The following MRPL43 variants were observed in gnomAD, a reference collection of about 807,000 sequenced individuals.
The protein encoded by MRPL43 is large ribosomal subunit protein mL43.
In MRPL43, 9 loss-of-function variants were observed where a neutral mutation model predicts 12.7. The ratio of observed to expected loss-of-function variants is 0.71; its 90% CI spans 0.43 to 1.24. The LOEUF is 1.24. MRPL43 is among the 50% of genes most tolerant of loss of function. The probability of loss-of-function intolerance (pLI) is 0.00; values close to 1 mark genes in which losing one functional copy is unlikely to be tolerated. For synonymous variants in MRPL43, 116 were observed against 96.4 expected, an observed-to-expected ratio of 1.20 and a Z score of -1.19; for missense variants, 211 against 229.2, an observed-to-expected ratio of 0.92 and a Z score of 0.51.
At chr10:100,984,581 C>G, downstream of MRPL43, 1 of 1,536,202 alleles carries the variant, frequency 6.5e-7, no homozygotes, top group Non-Finnish European at 8.7e-7. Context: ...AAGACCTCTG[C>G]CAGCCACCTA....
downstream of MRPL43, chr10:100,978,677 G>T (rs774043717): frequency 6.3e-7 from 1 of 1,591,776 alleles, no homozygotes; most frequent in African/African-American, 1.3e-5. Flanking sequence ...GGGGGGTAGG[G>T]GACTATTTCT....
chr10:100,979,194 G>A (rs1372311283), downstream of MRPL43: 8 of 1,614,090 alleles, frequency 5.0e-6, no homozygotes, highest in East Asian at 1.3e-4. Flanking sequence ...ATGAGACACT[G>A]CGTGGGGTCT....
downstream of MRPL43, among the ~76,000 whole-genome samples, chr10:100,979,530 G>T (rs1850956597): frequency 6.6e-6 from 1 of 152,066 alleles, no homozygotes; most frequent in South Asian, 2.1e-4. Flanking sequence ...CTATAGGCGT[G>T]TGCCACCACG....
chr10:100,978,559 T>C, downstream of MRPL43: 1 of 1,614,142 alleles, frequency 6.2e-7, no homozygotes, highest in South Asian at 1.1e-5. Context: ...TAGGTATGAA[T>C]TCCGGAGCAT....
At chr10:100,979,853 C>T (rs142303289), downstream of MRPL43, 2 of 1,613,558 alleles carry the variant, frequency 1.2e-6, no homozygotes, top group Non-Finnish European at 8.5e-7. Context: ...TCTAGGAAGA[C>T]CCTGGAGGCC....
chr10:100,986,663 C>T lies in MRPL43; in HGVS notation c.*71G>A. ...GTTCCATTTGCCTGGGCTTGGAATCCCAAAGGGGAAGAACCACCTTTACCG... is the reference window on the plus strand; with the variant it reads ...GTTCCATTTGCCTGGGCTTGGAATCTCAAAGGGGAAGAACCACCTTTACCG... On this transcript the variant is annotated 3_prime_UTR_variant, in exon 3 of 3. Coordinates refer to ENST00000318364, the MANE Select transcript of MRPL43 (RefSeq NM_032112.3). The T allele has an allele frequency of 1.2e-6, 2 of 1,613,840 alleles. No homozygotes were observed. Among genetic ancestry groups the T allele is most frequent in the Non-Finnish European group, 1.7e-6 (2 of 1,179,910 alleles).
downstream of MRPL43, chr10:100,984,005 G>A: frequency 6.2e-7 from 1 of 1,612,686 alleles, no homozygotes; most frequent in Non-Finnish European, 8.5e-7. Flanking sequence ...ATAGCTATGT[G>A]CTTCTGAGGC....
downstream of MRPL43, chr10:100,980,621 G>A (rs147919269): frequency 4.5e-5 from 73 of 1,614,076 alleles, no homozygotes; most frequent in African/African-American, 8.8e-4. Context: ...GCTCTGGGAT[G>A]CACATTATTG....
At chr10:100,984,209 C>T, downstream of MRPL43, 3 of 1,514,448 alleles carry the variant, frequency 2.0e-6, no homozygotes, top group Non-Finnish European at 2.6e-6. Context: ...CTAACACAGC[C>T]ACCCTCCCTT....
At position 100,986,610 on chromosome 10, in the gene MRPL43, G is replaced by A; in HGVS notation, c.*124C>T. ...AGGCAGCTCTTCATTATCCCAAGCAGAACCTCTGTCAACTTGCCCATTGAT... is the reference window on the plus strand; with the variant it reads ...AGGCAGCTCTTCATTATCCCAAGCAAAACCTCTGTCAACTTGCCCATTGAT... On this transcript the variant is annotated 3_prime_UTR_variant, in exon 3 of 3. Coordinates refer to ENST00000318364, the MANE Select transcript of MRPL43 (RefSeq NM_032112.3). 1 of 1,612,358 alleles carries A rather than the reference G, an allele frequency of 6.2e-7. No individual in the cohort carries two copies. Among genetic ancestry groups the A allele is most frequent in the Non-Finnish European group, 8.5e-7 (1 of 1,179,588 alleles).
chr10:100,980,389 A>C (rs1252783220), downstream of MRPL43: 2 of 1,548,226 alleles, frequency 1.3e-6, no homozygotes, highest in East Asian at 4.5e-5. Context: ...CCTGATCACT[A>C]ATGCTTCTGA....
At chr10:100,987,053 T>A (rs1366823873) in intron 2 of MRPL43, 37 bp downstream of exon 2, 1 of 1,610,188 alleles carries the variant, frequency 6.2e-7, no homozygotes, top group Middle Eastern at 1.7e-4. Context: ...GTCGAGCCCC[T>A]GATCCCGCCC....
At chr10:100,982,590 G>A (rs1329322742), downstream of MRPL43, among the ~76,000 whole-genome samples, 6 of 152,162 alleles carry the variant, frequency 3.9e-5, no homozygotes, top group East Asian at 9.6e-4. Context: ...TCAGGAGTTC[G>A]AGACAAGCCT....
downstream of MRPL43, chr10:100,985,907 T>C (rs1275325000): frequency 6.6e-6 from 1 of 152,402 alleles, no homozygotes. Context: ...TTCCTGCCTC[T>C]CATTTCCCCA....
downstream of MRPL43, chr10:100,984,883 C>CA (rs1851356699): frequency 2.0e-6 from 3 of 1,475,798 alleles, no homozygotes; most frequent in East Asian, 5.0e-5. Flanking sequence ...TGGTCATTCT[C>CA]AAGAGTATGA....
chr10:100,982,487 CAGTT>C (rs1387919835), downstream of MRPL43, among the ~76,000 whole-genome samples: 22 of 152,286 alleles, frequency 1.4e-4, no homozygotes, highest in African/African-American at 4.8e-4. Flanking sequence ...ATCTTAGTGA[CAGTT>C]AGATACAAAC....
At chr10:100,984,032 A>G (rs1851288279), downstream of MRPL43, 6 of 1,613,652 alleles carry the variant, frequency 3.7e-6, no homozygotes, top group Non-Finnish European at 5.1e-6. Context: ...ACAATGGAGT[A>G]CCAGCAGGGC....
At chr10:100,984,813 C>A, downstream of MRPL43, 1 of 1,532,198 alleles carries the variant, frequency 6.5e-7, no homozygotes, top group Non-Finnish European at 8.7e-7. Flanking sequence ...GGTAAGACTG[C>A]ATCACTCCCC....
chr10:100,986,763 G>C lies in MRPL43; in HGVS notation c.451C>G (p.Pro151Ala), dbSNP rs1851504967. The C allele has an allele frequency of 6.2e-7, 1 of 1,613,898 alleles. No homozygotes were observed. The highest frequency in any genetic ancestry group is 1.1e-5 in the South Asian group (1 of 91,088). ...RGLRPREVQD[P>A]APAQVQAQ is the part of the protein sequence containing the mutation. The stretch of plus-strand genomic sequence containing the variant: ...TGTGCTTGCACCTGGGCTGGGGCAG[G>C]ATCCTGAACCTCTCGGGGGCGTAGC... The change falls in exon 3 of 3, where the codon CCT becomes GCT. Residue 151 changes from proline (P) to alanine (A), a missense_variant. By Grantham distance (27) the Pro-to-Ala change is conservative (BLOSUM62 -1). Transcript: ENST00000318364.
Sources: allele counts gnomAD v4.1 joint callset (sites outside exome capture counted in the v4.1 genomes callset), GRCh38; gene constraint gnomAD v4.1.1; transcripts MANE v1.5; gene names NCBI Gene and HGNC (gene_info 2026-07-23, HGNC 2026-07-21).